The following TMEM182 variants were observed in gnomAD, a reference collection of about 807,000 sequenced individuals.
The protein encoded by TMEM182 is transmembrane protein 182.
TMEM182 carries 20 observed loss-of-function variants against 26.8 expected under a neutral mutation model. The observed-to-expected ratio is 0.75, with a 90% CI of 0.53 to 1.09. TMEM182 has a LOEUF of 1.09. TMEM182 is among the 50% of genes least tolerant of loss of function. The probability of loss-of-function intolerance (pLI) is 0.00; values close to 1 mark genes in which losing one functional copy is unlikely to be tolerated. For missense variants in TMEM182, 277 were observed against 275.5 expected (o/e 1.01, Z -0.04); for synonymous variants, 109 against 102.2 (o/e 1.07, Z -0.40).
At chr2:102,755,177 GA>G (rs1306071054) in intron 1 of TMEM182, among the ~76,000 whole-genome samples, 6 of 152,048 alleles carry the variant, frequency 3.9e-5, no homozygotes, top group East Asian at 3.8e-4. Context: ...GGATAAGAGG[GA>G]AAAAAAGGAT....
chr2:102,754,504 CA>C, intron 1 of TMEM182, among the ~76,000 whole-genome samples: 1 of 152,192 alleles, frequency 6.6e-6, no homozygotes, highest in Non-Finnish European at 1.5e-5. Flanking sequence ...CTAAAATCTC[CA>C]AAAAAGATGT....
In TMEM182 at chr2:102,809,607, C is replaced by G. The variant is rs75446632; in HGVS notation, c.470-5141C>G. On this transcript the variant is annotated intron_variant, in intron 4 of 4. Coordinates refer to ENST00000412401, the MANE Select transcript of TMEM182 (RefSeq NM_144632.5). ...GCTTAACCTATGAGACTCGTGCTCTCAGGGTTCAGTCTGAGTTATTCCACA... is the reference window on the plus strand; with the variant it reads ...GCTTAACCTATGAGACTCGTGCTCTGAGGGTTCAGTCTGAGTTATTCCACA... Among the ~76,000 whole-genome samples, 613 of 152,312 alleles carry G rather than the reference C, an allele frequency of 4.0e-3. 5 individuals are homozygous for G. The highest frequency in any genetic ancestry group is 0.014 in the African/African-American group (593 of 41,566).
intron 1 of TMEM182, among the ~76,000 whole-genome samples, chr2:102,737,808 C>T (rs1174554685): frequency 6.6e-6 from 1 of 152,210 alleles, no homozygotes; most frequent in African/African-American, 2.4e-5. Context: ...TGACTAGCCC[C>T]TCTTTTCTTT....
At chr2:102,840,503 G>A (rs1036892797) in intron 3 of TMEM182, among the ~76,000 whole-genome samples, 5 of 152,168 alleles carry the variant, frequency 3.3e-5, no homozygotes, top group African/African-American at 7.2e-5. Context: ...TGTAAACACC[G>A]GCGTTAGTGG....
chr2:102,764,492 C>A, intron 3 of TMEM182, 65 bp downstream of exon 3: 2 of 1,385,382 alleles, frequency 1.4e-6, no homozygotes, highest in Non-Finnish European at 2.0e-6. Context: ...ATGCCCAGAT[C>A]AAAATTGTTG....
intron 3 of TMEM182, among the ~76,000 whole-genome samples, chr2:102,784,271 C>T (rs1681292765): frequency 6.6e-6 from 1 of 152,056 alleles, no homozygotes; most frequent in Non-Finnish European, 1.5e-5. Flanking sequence ...ATGCCTTTGT[C>T]TCACAGTATT....
upstream of TMEM182, among the ~76,000 whole-genome samples, chr2:102,758,742 CCTATGCTAAGCATTGAAA>C (rs1357127124): frequency 6.6e-6 from 1 of 152,138 alleles, no homozygotes; most frequent in Non-Finnish European, 1.5e-5. Flanking sequence ...TGTGCCAAGT[CCTATGCTAAGCATTGAAA>C]ATTATCAAGC....
intron 3 of TMEM182, among the ~76,000 whole-genome samples, chr2:102,784,337 A>G (rs569853269): frequency 2.2e-4 from 33 of 150,988 alleles, no homozygotes; most frequent in African/African-American, 7.5e-4. Context: ...GAAAGAAAAG[A>G]AAGTATGTGT....
intron 1 of TMEM182, among the ~76,000 whole-genome samples, chr2:102,752,049 T>A (rs1475215364): frequency 6.6e-6 from 1 of 152,186 alleles, no homozygotes; most frequent in African/African-American, 2.4e-5. Context: ...ACTTATAGGT[T>A]CTGTCTCCAA....
intron 4 of TMEM182, among the ~76,000 whole-genome samples, chr2:102,802,597 G>A (rs1682190369): frequency 6.6e-6 from 1 of 152,188 alleles, no homozygotes; most frequent in African/African-American, 2.4e-5. Flanking sequence ...ATCTCCTCCT[G>A]CCCCGTGGCA....
intron 3 of TMEM182, among the ~76,000 whole-genome samples, chr2:102,824,231 G>A (rs1434969584): frequency 3.9e-5 from 6 of 152,094 alleles, no homozygotes; most frequent in Admixed American, 2.0e-4. Flanking sequence ...TAGATACTGC[G>A]GTTTTTGACT....
chr2:102,814,579 A>G (rs1682672275), intron 4 of TMEM182, among the ~76,000 whole-genome samples, 169 bp from the exon 5 acceptor site: 1 of 152,206 alleles, frequency 6.6e-6, no homozygotes, highest in Admixed American at 6.5e-5. Context: ...AAGATGAAAG[A>G]TAAAAGAAAT....
rs537651406 is a variant in TMEM182 at position 102,811,665 on chromosome 2, T to C, written c.470-3083T>C. On this transcript the variant is annotated intron_variant, in intron 4 of 4. Coordinates refer to ENST00000412401, the MANE Select transcript of TMEM182 (RefSeq NM_144632.5). The stretch of plus-strand genomic sequence containing the variant: ...TTATTCACTCATTTATTTATATCAC[T>C]GTGAGTTCCTATTTTATTCAATGGG... Among the ~76,000 whole-genome samples, 5 of 152,350 alleles carry C rather than the reference T, an allele frequency of 3.3e-5. No individual in the cohort carries two copies. In the South Asian group the frequency reaches 1.0e-3, roughly 32 times the overall value.
chr2:102,767,877 T>A (rs1310637949), intron 3 of TMEM182, among the ~76,000 whole-genome samples: 1 of 152,152 alleles, frequency 6.6e-6, no homozygotes, highest in Non-Finnish European at 1.5e-5. Flanking sequence ...CTTATGGGGG[T>A]GAGCCATCTG....
chr2:102,833,743 A>C (rs1558795152), intron 3 of TMEM182, among the ~76,000 whole-genome samples: 1 of 152,194 alleles, frequency 6.6e-6, no homozygotes, highest in East Asian at 1.9e-4. Context: ...CTTGTCTTTC[A>C]TGGCCTTGAA....
rs550717200 is a variant in TMEM182, at chr2:102,738,035, CTG to C, written c.-83+1024_-83+1025del. ...GACATATAATTGAATCCAGGTGAAA[CTG>C]TCAATCGTGAACCCCCAAGTTATTC... On this transcript the variant is annotated intron_variant, in intron 1 of 5. Transcript: ENST00000409173. Among the ~76,000 whole-genome samples, 289 of 152,336 alleles carry C rather than the reference CTG, an allele frequency of 1.9e-3. 1 individual carries two copies. Among genetic ancestry groups the C allele is most frequent in the Non-Finnish European group, 3.5e-3 (240 of 68,038 alleles).
chr2:102,786,210 G>GTTGTT (rs1681384272), intron 3 of TMEM182, among the ~76,000 whole-genome samples: 1 of 91,794 alleles, frequency 1.1e-5, no homozygotes, highest in African/African-American at 4.4e-5. Flanking sequence ...TCAGCAATCT[G>GTTGTT]TTTTTTTTTT....
In TMEM182 at chr2:102,762,228, A is replaced by G. The variant is rs764560653; in HGVS notation, c.11A>G (p.Asn4Ser). ...ACCAGTGAATTGAAAATGAGACTAA[A>G]TATCGCTATCTTCTTTGGAGCTCTC... is the stretch of plus-strand genomic sequence containing the variant. MRL[N>S]IAIFFGALFG... The change falls in exon 1 of 5, where the codon AAT becomes AGT. Residue 4 changes from asparagine (N) to serine (S), a missense_variant. Transcript: ENST00000412401. 28 of 1,613,000 alleles carry G rather than the reference A, an allele frequency of 1.7e-5. No homozygotes were observed. Among genetic ancestry groups the G allele is most frequent in the Non-Finnish European group, 2.0e-5 (24 of 1,179,504 alleles).
intron 4 of TMEM182, among the ~76,000 whole-genome samples, chr2:102,799,568 A>G (rs1240749060): frequency 6.6e-6 from 1 of 152,222 alleles, no homozygotes; most frequent in Admixed American, 6.5e-5. Flanking sequence ...GCAGCTGTGT[A>G]GAAATATGAT....
Sources: gnomAD v4.1 joint callset for allele counts (sites outside exome capture counted in the v4.1 genomes callset) on GRCh38, gnomAD v4.1.1 for gene constraint, MANE v1.5 for transcripts, NCBI Gene and HGNC (gene_info 2026-07-23, HGNC 2026-07-21) for gene names.